The following GTF3C1 variants were observed in gnomAD, a reference collection of about 807,000 sequenced individuals.
GTF3C1 encodes general transcription factor IIIC subunit 1.
Under a neutral mutation model 226.7 loss-of-function variants are expected in GTF3C1, and 57 were observed. The ratio of observed to expected loss-of-function variants is 0.25; its 90% CI spans 0.20 to 0.31. GTF3C1 has a LOEUF of 0.31. GTF3C1 is among the 10% of genes least tolerant of loss of function. The pLI is 1.00. For synonymous variants in GTF3C1, 1,090 were observed against 1,084.8 expected (o/e 1.00, Z -0.09); for missense variants, 2,217 against 2,776.1 (o/e 0.80, Z 4.53).
At chr16:27,476,810 G>A (rs1028826430) in intron 28 of GTF3C1, among the ~76,000 whole-genome samples, 2 of 152,110 alleles carry the variant, frequency 1.3e-5, no homozygotes, top group Non-Finnish European at 2.9e-5. Flanking sequence ...AGTACTTCTC[G>A]TTTCTTTCCC....
intron 5 of GTF3C1, 117 bp from the exon 6 acceptor site, chr16:27,528,838 C>T (rs77676972): frequency 6.8e-6 from 7 of 1,036,162 alleles, no homozygotes; most frequent in South Asian, 2.6e-5. Context: ...TCTTGAGGTA[C>T]TAATGAGGAA....
Position 27,549,695 on chromosome 16 carries a change from G to T in GTF3C1, c.196C>A (p.Arg66=). 1 of 1,595,598 alleles carries T rather than the reference G, an allele frequency of 6.3e-7. No individual in the cohort carries two copies. Among genetic ancestry groups the T allele is most frequent in the Non-Finnish European group, 8.5e-7 (1 of 1,172,754 alleles). ...CGGTCCTGGAGCTGTAGGTCGGGTC[G>T]CTCCCGAGGCTCCTCATAGAAGCTG... ...GISFYEEPRE[R]PDLQLQDRYE... The change falls in exon 1 of 37, where the codon CGA becomes AGA. Residue 66 remains arginine, a synonymous_variant. Transcript: ENST00000356183.
intron 6 of GTF3C1, among the ~76,000 whole-genome samples, chr16:27,517,426 T>C (rs1408262364): frequency 2.0e-5 from 3 of 152,196 alleles, no homozygotes; most frequent in Admixed American, 2.0e-4. Flanking sequence ...CTGCCCCATT[T>C]AAGCTGCCAC....
intron 16 of GTF3C1, 61 bp downstream of exon 16, chr16:27,494,702 T>C (rs2088288324): frequency 1.6e-6 from 2 of 1,289,320 alleles, no homozygotes; most frequent in Middle Eastern, 1.8e-4. Context: ...CAGGTGAGTG[T>C]AGGCCCTCCA....
chr16:27,464,543 G>C lies in GTF3C1; in HGVS notation c.5649C>G (p.Ala1883=). Residue 1883 remains alanine (A), a synonymous_variant, in exon 34 of 37, where the codon GCC becomes GCG. Transcript: ENST00000356183. ...TTGAGTCCTGGAGCGCTGGCCTCTT[G>C]GCAGGGGTCATCTGGGTGCCCTCGG... is the stretch of plus-strand genomic sequence containing the variant. ...TDAEGTQMTP[A]KRPALQDSNL... The C allele has an allele frequency of 6.6e-7, 1 of 1,504,874 alleles. No individual in the cohort carries two copies. The allele number at this position is 1,504,874 out of a possible 1,614,324, so 93.2% of individuals were successfully genotyped here.
chr16:27,494,695 G>C, intron 16 of GTF3C1, 68 bp downstream of exon 16: 2 of 1,179,754 alleles, frequency 1.7e-6, no homozygotes, highest in East Asian at 4.7e-5. Context: ...CCTTGCCCAG[G>C]TGAGTGTAGG....
chr16:27,545,676 G>C (rs2089152390), intron 1 of GTF3C1, among the ~76,000 whole-genome samples, 153 bp from the exon 2 acceptor site: 1 of 152,156 alleles, frequency 6.6e-6, no homozygotes, highest in South Asian at 2.1e-4. Flanking sequence ...TTGACAAGCA[G>C]GTTCCTGCCT....
Position 27,486,023 on chromosome 16 carries a change from T to C in GTF3C1, c.3832A>G (p.Ile1278Val). Reference sequence around the variant, plus strand: ...TTGGTGTTGAGGACATTGCTGGCAATGCGGCACAGCACAAGCAGCCCATCC... The same window carrying C: ...TTGGTGTTGAGGACATTGCTGGCAACGCGGCACAGCACAAGCAGCCCATCC... ...QEDGLLVLCR[I>V]ASNVLNTKVK... The change falls in exon 24 of 37, where the codon ATT (isoleucine) becomes GTT (valine). Residue 1278 changes from isoleucine (I) to valine (V), a missense_variant. Ile to Val is a conservative substitution (Grantham distance 29). Transcript: ENST00000356183. 7 of 1,611,786 alleles carry C rather than the reference T, an allele frequency of 4.3e-6. No individual in the cohort carries two copies. The highest frequency in any genetic ancestry group is 1.1e-5 in the South Asian group (1 of 90,788).
rs779869561 is a variant in GTF3C1, at chr16:27,545,342, G to A, written c.403C>T (p.Arg135Cys). 5.0e-6 allele frequency: 8 copies of A among 1,613,686 alleles called. No homozygotes were observed. In the East Asian group the frequency reaches 8.9e-5, roughly 18 times the overall value. ...TCAAAGGCTTCCACCATTGTACAGC[G>A]AGGCTGCAAGGACTTGGTTCTGATG... ...NDIRTKSLQP[R>C]CTMVEAFDRW... is the part of the protein sequence containing the mutation. The change falls in exon 2 of 37, where the codon CGC (arginine) becomes TGC (cysteine). Residue 135 changes from arginine to cysteine, a missense_variant. By Grantham distance (180) the Arg-to-Cys change is radical (BLOSUM62 -3). Around this residue, in one of 12 missense-constraint regions of GTF3C1, gnomAD observed 192 missense variants for 251.8 expected, o/e 0.76. Transcript: ENST00000356183.
At chr16:27,521,937 ATT>A (rs1163646830) in intron 6 of GTF3C1, among the ~76,000 whole-genome samples, 1 of 151,074 alleles carries the variant, frequency 6.6e-6, no homozygotes. Flanking sequence ...CTTTGTATTT[ATT>A]TGTTGCATTT....
Position 27,506,067 on chromosome 16 carries a change from G to C in GTF3C1, c.1602C>G (p.Ser534=). 3 of 1,613,954 alleles carry C rather than the reference G, an allele frequency of 1.9e-6. No individual in the cohort carries two copies. In the South Asian group the frequency reaches 3.3e-5, roughly 18 times the overall value. ...CTCTCTCTTCAGCAGCTCCTGGGAA[G>C]GAGGGCGGCTGCTTTTTCAATGGGT... ...NLHPLKKQPP[S]FPGAAEERAC... Residue 534 remains serine, a synonymous_variant, in exon 10 of 37, where the codon TCC becomes TCG. Coordinates refer to ENST00000356183, the MANE Select transcript of GTF3C1 (RefSeq NM_001520.4).
At position 27,498,829 on chromosome 16, in the gene GTF3C1, G is replaced by C. The variant is rs548654522; in HGVS notation, c.2062-96C>G. ...TCCTAGTGGAACCTCAGTCATACCT[G>C]TTTTCATTAACATTTCCAAAACACG... On this transcript the variant is annotated intron_variant, in intron 12 of 36. Transcript: ENST00000356183. The C allele has an allele frequency of 1.9e-5, 14 of 740,894 alleles. No homozygotes were observed. The East Asian group carries it at 3.0e-4, about 16-fold the overall frequency. 45.9% of individuals were successfully genotyped at this position (740,894 alleles called of 1,614,324 possible).
intron 14 of GTF3C1, 44 bp from the exon 15 acceptor site, chr16:27,495,536 C>G (rs112438814): frequency 6.4e-7 from 1 of 1,560,910 alleles, no homozygotes; most frequent in South Asian, 1.2e-5. Context: ...AAATCCCATA[C>G]TGAATTCAGT....
chr16:27,521,587 C>T (rs538241128), intron 6 of GTF3C1, among the ~76,000 whole-genome samples: 3 of 152,352 alleles, frequency 2.0e-5, no homozygotes, highest in Admixed American at 6.5e-5. Context: ...TGGGTCCCCT[C>T]GAGAGAGCTG....
chr16:27,464,200 G>T, intron 34 of GTF3C1, 120 bp downstream of exon 34: 1 of 557,046 alleles, frequency 1.8e-6, no homozygotes. Flanking sequence ...CTGAAGTCAA[G>T]CCCCTTTTGT....
intron 6 of GTF3C1, among the ~76,000 whole-genome samples, chr16:27,527,956 A>T (rs1361907648): frequency 6.6e-6 from 1 of 150,958 alleles, no homozygotes; most frequent in African/African-American, 2.5e-5. Flanking sequence ...CCTGGGCAAC[A>T]GAGAAAGACC....
rs1338774266 is a variant in GTF3C1, at chr16:27,463,925, C to T, written c.5873-333G>A. The T allele has an allele frequency of 2.0e-5, 8 of 392,722 alleles. No homozygotes were observed. The highest frequency in any genetic ancestry group is 3.6e-5 in the Non-Finnish European group (8 of 221,322). The allele number at this position is 392,722 out of a possible 1,614,324, so 24.3% of individuals were successfully genotyped here. A position where few individuals can be genotyped will look rare whatever the true frequency, so the allele number is the denominator to read the frequency against. On this transcript the variant is annotated intron_variant, in intron 34 of 36. Coordinates refer to ENST00000356183, the MANE Select transcript of GTF3C1 (RefSeq NM_001520.4). The surrounding 1 kb of genome is among the most constrained non-coding windows in gnomAD (Gnocchi z 4.9). Reference sequence around the variant, plus strand: ...CGAGGCAAAAACACCCCAAAGAAAACAAAAACGCCCAGAGAAGCCACATGA... The same window carrying T: ...CGAGGCAAAAACACCCCAAAGAAAATAAAAACGCCCAGAGAAGCCACATGA...
At position 27,462,319 on chromosome 16, in the gene GTF3C1, G is replaced by C. The variant is rs771232855; in HGVS notation, c.6092C>G (p.Pro2031Arg). ...LLRHYQGVLQ[P>R]VAVLELLQGL... ...CTGGAGCAACTCCAGCACGGCGACGGGCTGCAGGACCCCCTGGTAGTGGCG... is the reference window on the plus strand; with the variant it reads ...CTGGAGCAACTCCAGCACGGCGACGCGCTGCAGGACCCCCTGGTAGTGGCG... Residue 2031 changes from proline (P) to arginine (R), a missense_variant, in exon 36 of 37, where the codon CCC becomes CGC. Transcript: ENST00000356183. This position sits in a 1 kb window ranked among gnomAD's most constrained non-coding sequence, Gnocchi z 4.5. The C allele has an allele frequency of 6.4e-7, 1 of 1,559,010 alleles. No individual in the cohort carries two copies. The highest frequency in any genetic ancestry group is 1.4e-5 in the African/African-American group (1 of 73,382).
intron 29 of GTF3C1, among the ~76,000 whole-genome samples, chr16:27,475,366 T>A (rs980107122): frequency 6.6e-6 from 1 of 152,246 alleles, no homozygotes; most frequent in East Asian, 1.9e-4. Flanking sequence ...TTTGTTTTCT[T>A]ATTCTTTTTT....
Sources: allele counts gnomAD v4.1 joint callset (sites outside exome capture counted in the v4.1 genomes callset), GRCh38; gene constraint gnomAD v4.1.1; regional missense constraint gnomAD v4.1.1; non-coding constraint Gnocchi (gnomAD v3.1); transcripts MANE v1.5; gene names NCBI Gene and HGNC (gene_info 2026-07-23, HGNC 2026-07-21).